Variants in ZMYM2 observed in about 807,000 individuals in gnomAD.
ZMYM2 encodes zinc finger MYM-type containing 2.
ZMYM2 carries 56 observed loss-of-function variants against 162.8 expected under a neutral mutation model. That is an observed-to-expected ratio of 0.34 (90% CI 0.28 to 0.43). ZMYM2 has a LOEUF of 0.43. Ranked by LOEUF, ZMYM2 falls within the 20% of genes least tolerant of loss-of-function variation. The probability of loss-of-function intolerance (pLI) is 1.00; values close to 1 mark genes in which losing one functional copy is unlikely to be tolerated. For missense variants in ZMYM2, 1,275 were observed against 1,621.8 expected, an observed-to-expected ratio of 0.79 and a Z score of 3.67; for synonymous variants, 510 against 541.6, an observed-to-expected ratio of 0.94 and a Z score of 0.81.
chr13:19,934,599 G>A, the ZMYM2 span, among the ~76,000 whole-genome samples: 3 of 151,888 alleles, frequency 2.0e-5, no homozygotes, highest in African/African-American at 7.3e-5. Flanking sequence ...ATTTTAGTTT[G>A]GAGTTTTATG....
intron 2 of ZMYM2, among the ~76,000 whole-genome samples, chr13:19,969,510 A>G (rs932171543): frequency 1.3e-5 from 2 of 152,340 alleles, no homozygotes; most frequent in Admixed American, 1.3e-4. Flanking sequence ...GCTGTCAAGC[A>G]TGTTTTTCAT....
intron 7 of ZMYM2, among the ~76,000 whole-genome samples, chr13:20,024,228 C>T (rs994994942): frequency 1.8e-4 from 28 of 152,106 alleles, no homozygotes; most frequent in African/African-American, 4.8e-4. Context: ...CCACTGCACC[C>T]GGCCTTCATT....
intron 6 of ZMYM2, among the ~76,000 whole-genome samples, chr13:20,010,433 G>T (rs1011202230): frequency 2.6e-5 from 4 of 152,062 alleles, no homozygotes; most frequent in Admixed American, 6.6e-5. Context: ...GAACTCCTAA[G>T]CTCAAGCCAT....
the ZMYM2 span, among the ~76,000 whole-genome samples, chr13:19,885,939 A>ATGTGTG: frequency 5.2e-4 from 63 of 121,264 alleles, 17 homozygotes; most frequent in East Asian, 2.8e-3. Context: ...GTATACACAT[A>ATGTGTG]TATATGTATA....
chr13:20,052,459 T>G, intron 14 of ZMYM2, 148 bp downstream of exon 14: 1 of 632,530 alleles, frequency 1.6e-6, no homozygotes. Context: ...CTGAATTATA[T>G]TAATACCAGA....
intron 2 of ZMYM2, among the ~76,000 whole-genome samples, chr13:19,971,459 G>A (rs1248962990): frequency 2.0e-5 from 3 of 150,882 alleles, no homozygotes; most frequent in African/African-American, 4.9e-5. Context: ...TAGTAGAGAC[G>A]GGGTTTCTCC....
the ZMYM2 span, among the ~76,000 whole-genome samples, chr13:19,939,952 G>A: frequency 2.0e-5 from 3 of 152,152 alleles, no homozygotes; most frequent in Non-Finnish European, 4.4e-5. Context: ...AAGGAATTAG[G>A]CGGTTCTAGT....
Position 20,003,069 on chromosome 13 carries a change from C to A in ZMYM2, c.1067C>A (p.Ser356Tyr). ...AAAGGATCAGCTCACCTCTTTTGTT[C>A]TACCACCTGCCTTTCTTCCTTCTCC... ...QRKGSAHLFC[S>Y]TTCLSSFSHK... Residue 356 changes from serine (S) to tyrosine (Y), a missense_variant, in exon 4 of 25, where the codon TCT (serine) becomes TAT (tyrosine). Physicochemically the swap from Ser to Tyr is moderately radical, Grantham distance 144. Transcript: ENST00000610343. 6.2e-7 allele frequency: 1 copy of A among 1,614,226 alleles called. No homozygotes were observed. The highest frequency in any genetic ancestry group is 8.5e-7 in the Non-Finnish European group (1 of 1,180,030).
At chr13:20,072,546 T>A (rs943542211) in intron 21 of ZMYM2, among the ~76,000 whole-genome samples, 1 of 151,944 alleles carries the variant, frequency 6.6e-6, no homozygotes, top group Non-Finnish European at 1.5e-5. Flanking sequence ...AAATAATAAT[T>A]TTTAAAAAAG....
chr13:20,053,886 T>C (rs1361149233), intron 14 of ZMYM2, among the ~76,000 whole-genome samples: 3 of 152,220 alleles, frequency 2.0e-5, no homozygotes, highest in South Asian at 2.1e-4. Context: ...TTCACTTGAA[T>C]TATCTGATTT....
intron 9 of ZMYM2, among the ~76,000 whole-genome samples, chr13:20,029,691 A>T (rs1952904013): frequency 6.6e-6 from 1 of 152,190 alleles, no homozygotes; most frequent in Non-Finnish European, 1.5e-5. Context: ...TATATGAGTA[A>T]TATGGTTTAA....
At chr13:19,939,643 A>T in the ZMYM2 span, among the ~76,000 whole-genome samples, 1 of 152,198 alleles carries the variant, frequency 6.6e-6, no homozygotes, top group African/African-American at 2.4e-5. Flanking sequence ...GACAGCAAAA[A>T]ATTGAAAATA....
chr13:19,976,786 G>C (rs1956835171), intron 2 of ZMYM2, among the ~76,000 whole-genome samples: 1 of 152,194 alleles, frequency 6.6e-6, no homozygotes, highest in African/African-American at 2.4e-5. Flanking sequence ...TTAGGTCTGA[G>C]TAGTTTATAG....
At chr13:19,871,225 TTATAA>T in the ZMYM2 span, among the ~76,000 whole-genome samples, 18 of 152,160 alleles carry the variant, frequency 1.2e-4, no homozygotes, top group Admixed American at 1.2e-3. Context: ...ATGCTGCAAA[TTATAA>T]TAACACAGAA....
chr13:20,027,384 TATA>T (rs1952681378), intron 9 of ZMYM2, 66 bp downstream of exon 9: 1 of 1,187,342 alleles, frequency 8.4e-7, no homozygotes, highest in African/African-American at 1.7e-5. Context: ...ATCAGTGTAA[TATA>T]ATATGCTTTA....
intron 6 of ZMYM2, among the ~76,000 whole-genome samples, chr13:20,016,558 C>G (rs1373238159): frequency 1.3e-5 from 2 of 152,100 alleles, no homozygotes; most frequent in African/African-American, 4.8e-5. Flanking sequence ...CTCCCTCCAC[C>G]TTTTATCTGT....
chr13:19,874,053 A>G, the ZMYM2 span, among the ~76,000 whole-genome samples: 17 of 152,028 alleles, frequency 1.1e-4, no homozygotes, highest in Non-Finnish European at 1.8e-4. Flanking sequence ...GAACTAGGTG[A>G]TCTTTAAAGG....
intron 9 of ZMYM2, 134 bp downstream of exon 9, chr13:20,027,452 C>G (rs1952687424): frequency 1.6e-6 from 1 of 640,630 alleles, no homozygotes; most frequent in Non-Finnish European, 2.5e-6. Context: ...GGTGGATATC[C>G]TAGTCACAGA....
At chr13:20,004,777 A>G (rs778327776) in intron 4 of ZMYM2, among the ~76,000 whole-genome samples, 1 of 152,226 alleles carries the variant, frequency 6.6e-6, no homozygotes, top group Non-Finnish European at 1.5e-5. Flanking sequence ...TTAATTCCAT[A>G]TAACTAATAA....
Sources: allele counts gnomAD v4.1 joint callset (sites outside exome capture counted in the v4.1 genomes callset), GRCh38; gene constraint gnomAD v4.1.1; transcripts MANE v1.5; gene names NCBI Gene and HGNC (gene_info 2026-07-23, HGNC 2026-07-21).